KCNQ1: variants seen among roughly 807,000 people sequenced by gnomAD.
KCNQ1 encodes potassium voltage-gated channel subfamily Q member 1.
KCNQ1 carries 49 observed loss-of-function variants against 72.4 expected under a neutral mutation model. That is an observed-to-expected ratio of 0.68 (90% CI 0.54 to 0.86). The LOEUF is 0.86. Among genes scored for constraint, KCNQ1 ranks in the 40% least tolerant of loss-of-function variants. The pLI, the probability that KCNQ1 is intolerant of heterozygous loss-of-function variation, is 0.00. For synonymous variants in KCNQ1, 450 were observed against 412.6 expected, an observed-to-expected ratio of 1.09 and a Z score of -1.10; for missense variants, 790 against 945.1, an observed-to-expected ratio of 0.84 and a Z score of 2.15.
rs894333425 is a variant in KCNQ1, at chr11:2,671,821, C to A, written c.1514+9740C>A. The A allele has an allele frequency of 2.5e-6, 1 of 398,646 alleles. No homozygotes were observed. The highest frequency in any genetic ancestry group is 4.4e-6 in the Non-Finnish European group (1 of 226,178). The allele number at this position is 398,646 out of a possible 1,614,324, so 24.7% of individuals were successfully genotyped here. A position where few individuals can be genotyped will look rare whatever the true frequency, so the allele number is the denominator to read the frequency against. On this transcript the variant is annotated intron_variant, in intron 11 of 15. Transcript: ENST00000155840. The surrounding 1 kb of genome is among the most constrained non-coding windows in gnomAD (Gnocchi z 4.7). ...TTCCCCCAAATAAATCCCTGCAACC[C>A]CACTGTGGTTATAGGTCTGAGCCTT...
Position 2,477,562 on chromosome 11 carries a change from C to A in KCNQ1, c.386+32078C>A, listed in dbSNP as rs1411673902. 1.3e-5 allele frequency among the ~76,000 whole-genome samples: 2 copies of A among 151,982 alleles called. No individual in the cohort carries two copies. Among genetic ancestry groups the A allele is most frequent in the Non-Finnish European group, 2.9e-5 (2 of 67,974 alleles). ...TATGTACACAGAGAGCAATGAAAAT[C>A]CTCATTATGATGGCAGACTAAACCC... On this transcript the variant is annotated intron_variant, in intron 1 of 15. Coordinates refer to ENST00000155840, the MANE Select transcript of KCNQ1 (RefSeq NM_000218.3). The surrounding 1 kb of genome is among the most constrained non-coding windows in gnomAD (Gnocchi z 5.0).
At position 2,762,816 on chromosome 11, in the gene KCNQ1, C is replaced by T. The variant is rs559239398; in HGVS notation, c.1515-6028C>T. Among the ~76,000 whole-genome samples, 20 of 152,260 alleles carry T rather than the reference C, an allele frequency of 1.3e-4. No homozygotes were observed. Among genetic ancestry groups the T allele is most frequent in the Admixed American group, 7.8e-4 (12 of 15,310 alleles). On this transcript the variant is annotated intron_variant, in intron 11 of 15. Coordinates refer to ENST00000155840, the MANE Select transcript of KCNQ1 (RefSeq NM_000218.3). The surrounding 1 kb of genome is among the most constrained non-coding windows in gnomAD (Gnocchi z 4.3). Reference sequence around the variant, plus strand: ...GAAACCATCTCCCCCCACCCCACCCCGTCCACGGAAAAAGTGTCTTCCACG... The same window carrying T: ...GAAACCATCTCCCCCCACCCCACCCTGTCCACGGAAAAAGTGTCTTCCACG...
intron 11 of KCNQ1, among the ~76,000 whole-genome samples, chr11:2,744,262 A>G (rs890052597): frequency 6.6e-6 from 1 of 152,212 alleles, no homozygotes; most frequent in Non-Finnish European, 1.5e-5. Flanking sequence ...CAAACAGGAG[A>G]CGATGTGGCA....
chr11:2,794,489 G>A (rs1419309828), intron 15 of KCNQ1, among the ~76,000 whole-genome samples: 1 of 152,182 alleles, frequency 6.6e-6, no homozygotes, highest in East Asian at 1.9e-4. Context: ...AGTGAGGGAA[G>A]CCTTGGGGAG....
At chr11:2,604,415 T>G in intron 10 of KCNQ1, among the ~76,000 whole-genome samples, 1 of 147,706 alleles carries the variant, frequency 6.8e-6, no homozygotes, top group Non-Finnish European at 1.5e-5. Flanking sequence ...GAGGAAGAGG[T>G]TGCAGTGAGC....
chr11:2,696,437 T>C lies in KCNQ1; in HGVS notation c.1514+34356T>C, dbSNP rs555796253. Reference sequence around the variant, plus strand: ...TTGGAGTTACCTCTGAGCTCTCTTCTGGGCCTCTGTCACCACACCGCTCTG... The same window carrying C: ...TTGGAGTTACCTCTGAGCTCTCTTCCGGGCCTCTGTCACCACACCGCTCTG... On this transcript the variant is annotated intron_variant, in intron 11 of 15. Coordinates refer to ENST00000155840, the MANE Select transcript of KCNQ1 (RefSeq NM_000218.3). The C allele has an allele frequency of 3.1e-4, 125 of 398,706 alleles. 2 individuals carry two copies. The South Asian group carries it at 0.012, about 38-fold the overall frequency. The allele number at this position is 398,706 out of a possible 1,614,324, so 24.7% of individuals were successfully genotyped here. A position where few individuals can be genotyped will look rare whatever the true frequency, so the allele number is the denominator to read the frequency against.
chr11:2,452,535 C>CAG (rs35405080), intron 1 of KCNQ1, among the ~76,000 whole-genome samples: 85,226 of 151,954 alleles, frequency 0.56, 28,537 homozygotes, highest in Non-Finnish European at 0.74. Flanking sequence ...CAGCTGGAGA[C>CAG]GGGGCGGGAA....
In KCNQ1 at chr11:2,599,017, ATGT is replaced by A. The variant is rs1033962539; in HGVS notation, c.1393+10167_1393+10169del. Among the ~76,000 whole-genome samples the A allele has an allele frequency of 5.9e-5, 9 of 152,212 alleles. No homozygotes were observed. Among genetic ancestry groups the A allele is most frequent in the African/African-American group, 1.9e-4 (8 of 41,458 alleles). On this transcript the variant is annotated intron_variant, in intron 10 of 15. Transcript: ENST00000155840. This position sits in a 1 kb window ranked among gnomAD's most constrained non-coding sequence, Gnocchi z 4.7. The stretch of plus-strand genomic sequence containing the variant: ...GCTATTCTTTCTTTTAGTGTCCTTA[ATGT>A]TGTATTACTTTCCAATATTCACACT...
Position 2,507,504 on chromosome 11 carries a change from G to A in KCNQ1, c.387-20424G>A, listed in dbSNP as rs1847125401. Among the ~76,000 whole-genome samples, 2 of 152,158 alleles carry A rather than the reference G, an allele frequency of 1.3e-5. No homozygotes were observed. The highest frequency in any genetic ancestry group is 4.1e-4 in the South Asian group (2 of 4,820). On this transcript the variant is annotated intron_variant, in intron 1 of 15. Coordinates refer to ENST00000155840, the MANE Select transcript of KCNQ1 (RefSeq NM_000218.3). The surrounding 1 kb of genome is among the most constrained non-coding windows in gnomAD (Gnocchi z 5.4). ...AGGTAGATAAGGTGGCGGGTGCAGC[G>A]GGAGGAAGAGAAAAGGATGCTGCTG...
rs1430028191 is a variant in KCNQ1 at position 2,598,603 on chromosome 11, CTTAG to C, written c.1393+9753_1393+9756del. On this transcript the variant is annotated intron_variant, in intron 10 of 15. Coordinates refer to ENST00000155840, the MANE Select transcript of KCNQ1 (RefSeq NM_000218.3). This position sits in a 1 kb window ranked among gnomAD's most constrained non-coding sequence, Gnocchi z 6.2. ...TTGCCTCATTTAGGTCTGCTCTGCC[CTTAG>C]TTAAAAAAAAAAAACCCTAATACAT... is the stretch of plus-strand genomic sequence containing the variant. Among the ~76,000 whole-genome samples, 1 of 124,766 alleles carries C rather than the reference CTTAG, an allele frequency of 8.0e-6. No homozygotes were observed. Among genetic ancestry groups the C allele is most frequent in the East Asian group, 2.5e-4 (1 of 4,072 alleles). The allele number at this position is 124,766 out of a possible 152,430, so 81.9% of individuals were successfully genotyped here.
chr11:2,560,835 G>A (rs1848153655), intron 2 of KCNQ1, among the ~76,000 whole-genome samples: 1 of 152,062 alleles, frequency 6.6e-6, no homozygotes, highest in South Asian at 2.1e-4. Flanking sequence ...GGACAGACGT[G>A]GAGGAAAGGA....
chr11:2,841,144 C>T (rs773748747), intron 15 of KCNQ1, among the ~76,000 whole-genome samples: 1 of 152,120 alleles, frequency 6.6e-6, no homozygotes, highest in Non-Finnish European at 1.5e-5. Flanking sequence ...ACGAGGAGGC[C>T]GCCCAGGATT....
chr11:2,798,987 G>A (rs142362313), intron 15 of KCNQ1, among the ~76,000 whole-genome samples: 1 of 152,310 alleles, frequency 6.6e-6, no homozygotes, highest in Non-Finnish European at 1.5e-5. Flanking sequence ...CGAGGAAGGG[G>A]ACATTAGACA....
At chr11:2,838,202 C>T (rs909209658) in intron 15 of KCNQ1, among the ~76,000 whole-genome samples, 24 of 152,238 alleles carry the variant, frequency 1.6e-4, no homozygotes, top group African/African-American at 5.5e-4. Flanking sequence ...GGAAGGAAGC[C>T]AGACTGACCT....
At position 2,486,325 on chromosome 11, in the gene KCNQ1, C is replaced by T. The variant is rs888457744; in HGVS notation, c.386+40841C>T. Among the ~76,000 whole-genome samples, 32 of 152,138 alleles carry T rather than the reference C, an allele frequency of 2.1e-4. No homozygotes were observed. The highest frequency in any genetic ancestry group is 7.7e-4 in the African/African-American group (32 of 41,426). Reference sequence around the variant, plus strand: ...GGAGAATATCTCCTCAGCTCTTTTGCCCACTTCATTAAATTGAGAGGTTTG... The same window carrying T: ...GGAGAATATCTCCTCAGCTCTTTTGTCCACTTCATTAAATTGAGAGGTTTG... On this transcript the variant is annotated intron_variant, in intron 1 of 15. Coordinates refer to ENST00000155840, the MANE Select transcript of KCNQ1 (RefSeq NM_000218.3). The surrounding 1 kb of genome is among the most constrained non-coding windows in gnomAD (Gnocchi z 5.0).
chr11:2,726,526 A>AC (rs1303588983), intron 11 of KCNQ1, among the ~76,000 whole-genome samples: 5 of 146,158 alleles, frequency 3.4e-5, no homozygotes, highest in Admixed American at 2.7e-4. Context: ...CCCCCACCCC[A>AC]CCCCTGCCCC....
In KCNQ1 at chr11:2,486,291, A is replaced by G. The variant is rs1262849348; in HGVS notation, c.386+40807A>G. Reference sequence around the variant, plus strand: ...TCATGCTCTTATTAGCCATTTGTATATCTTCTTTGGAGAATATCTCCTCAG... The same window carrying G: ...TCATGCTCTTATTAGCCATTTGTATGTCTTCTTTGGAGAATATCTCCTCAG... On this transcript the variant is annotated intron_variant, in intron 1 of 15. Transcript: ENST00000155840. The surrounding 1 kb of genome is among the most constrained non-coding windows in gnomAD (Gnocchi z 5.0). Among the ~76,000 whole-genome samples, 2 of 152,136 alleles carry G rather than the reference A, an allele frequency of 1.3e-5. No homozygotes were observed. The highest frequency in any genetic ancestry group is 2.9e-5 in the Non-Finnish European group (2 of 68,022).
intron 11 of KCNQ1, among the ~76,000 whole-genome samples, chr11:2,761,319 C>T (rs887101198): frequency 2.6e-5 from 4 of 152,250 alleles, no homozygotes; most frequent in South Asian, 2.1e-4. Flanking sequence ...GTGTTCCTCT[C>T]GACCTACCCT....
rs1241863474 is a variant in KCNQ1 at position 2,750,236 on chromosome 11, A to G, written c.1515-18608A>G. Among the ~76,000 whole-genome samples, 1 of 152,196 alleles carries G rather than the reference A, an allele frequency of 6.6e-6. No individual in the cohort carries two copies. Among genetic ancestry groups the G allele is most frequent in the African/African-American group, 2.4e-5 (1 of 41,438 alleles). On this transcript the variant is annotated intron_variant, in intron 11 of 15. Coordinates refer to ENST00000155840, the MANE Select transcript of KCNQ1 (RefSeq NM_000218.3). The surrounding 1 kb of genome is among the most constrained non-coding windows in gnomAD (Gnocchi z 6.3). ...GGAATGACATGTATTCCAGGGAAGA[A>G]TTGGGCCGGAGGCTGAAACAGGACG...
Sources: allele counts gnomAD v4.1 joint callset (sites outside exome capture counted in the v4.1 genomes callset), GRCh38; gene constraint gnomAD v4.1.1; non-coding constraint Gnocchi (gnomAD v3.1); transcripts MANE v1.5; gene names NCBI Gene and HGNC (gene_info 2026-07-23, HGNC 2026-07-21).